Variants in ANAPC7 observed in about 807,000 individuals in gnomAD.
ANAPC7 encodes anaphase promoting complex subunit 7, also known as anaphase-promoting complex subunit 7.
ANAPC7 carries 25 observed loss-of-function variants against 63.3 expected under a neutral mutation model. That is an observed-to-expected ratio of 0.39 (90% CI 0.29 to 0.55). ANAPC7 has a LOEUF of 0.55. Ranked by LOEUF, ANAPC7 falls within the 20% of genes least tolerant of loss-of-function variation. The pLI is 0.57. For synonymous variants in ANAPC7, 241 were observed against 251.7 expected (o/e 0.96, Z 0.40); for missense variants, 516 against 691.7 (o/e 0.75, Z 2.85).
At chr12:110,381,044 G>A (rs1455568440) in intron 8 of ANAPC7, among the ~76,000 whole-genome samples, 10 of 150,238 alleles carry the variant, frequency 6.7e-5, no homozygotes, top group African/African-American at 2.2e-4. Context: ...GGATGGGGGC[G>A]AGCGGTGGGA....
intron 1 of ANAPC7, among the ~76,000 whole-genome samples, chr12:110,399,480 G>A (rs2062193402): frequency 6.6e-6 from 1 of 151,556 alleles, no homozygotes; most frequent in African/African-American, 2.4e-5. Flanking sequence ...AAAAAAAATA[G>A]GCATCATACA....
At chr12:110,389,097 A>G (rs949021371) in intron 3 of ANAPC7, among the ~76,000 whole-genome samples, 19 of 148,358 alleles carry the variant, frequency 1.3e-4, no homozygotes, top group African/African-American at 3.9e-4. Context: ...AAAAAAAAAA[A>G]AAAAAGAAAA....
rs1881036798 is a variant in ANAPC7 at position 110,374,075 on chromosome 12, A to G, written c.*69T>C. 5 of 1,476,862 alleles carry G rather than the reference A, an allele frequency of 3.4e-6. No individual in the cohort carries two copies. The Admixed American group carries it at 8.7e-5, about 26-fold the overall frequency. The allele number at this position is 1,476,862 out of a possible 1,614,324, so 91.5% of individuals were successfully genotyped here. A position where few individuals can be genotyped will look rare whatever the true frequency, so the allele number is the denominator to read the frequency against. ...ATTGTCCTTCTGAGAGCAGGCTCCTACGGTTCCTTCAGTCCACGGAAGTGC... is the reference window on the plus strand; with the variant it reads ...ATTGTCCTTCTGAGAGCAGGCTCCTGCGGTTCCTTCAGTCCACGGAAGTGC... On this transcript the variant is annotated 3_prime_UTR_variant, in exon 11 of 11. Coordinates refer to ENST00000455511, the MANE Select transcript of ANAPC7 (RefSeq NM_016238.3).
At chr12:110,387,239 C>CAG (rs1566268639) in intron 5 of ANAPC7, 5 of 35,286 alleles carry the variant, frequency 1.4e-4, no homozygotes, top group African/African-American at 2.0e-4. Context: ...GAGAGAGAGA[C>CAG]AGAGAGACAG....
chr12:110,388,457 AACT>A, intron 4 of ANAPC7, 52 bp downstream of exon 4: 1 of 1,358,770 alleles, frequency 7.4e-7, no homozygotes, highest in Non-Finnish European at 1.0e-6. Context: ...CAAGATTGAG[AACT>A]ACTATCTTTG....
At chr12:110,383,078 A>G in intron 6 of ANAPC7, 118 bp from the exon 7 acceptor site, 7 of 666,774 alleles carry the variant, frequency 1.0e-5, no homozygotes, top group South Asian at 2.1e-5. Flanking sequence ...TGCAGGGGCT[A>G]AGCCCTTTCC....
intron 3 of ANAPC7, among the ~76,000 whole-genome samples, chr12:110,389,736 C>G (rs375350273): frequency 2.0e-4 from 31 of 152,140 alleles, no homozygotes; most frequent in Admixed American, 8.5e-4. Context: ...TTGAGACCAT[C>G]CCGGCTAACA....
intron 5 of ANAPC7, chr12:110,387,299 G>GAGAGAGAGAGAGAGAGAGAGAGAGAC (rs1882618800): frequency 7.7e-6 from 1 of 130,240 alleles, no homozygotes; most frequent in Non-Finnish European, 1.7e-5. Flanking sequence ...GAGAGAGAGA[G>GAGAGAGAGAGAGAGAGAGAGAGAGAC]AGAGAGAGAG....
intron 9 of ANAPC7, among the ~76,000 whole-genome samples, chr12:110,376,707 GAAAA>G (rs574188729): frequency 8.2e-6 from 1 of 121,940 alleles, no homozygotes; most frequent in Non-Finnish European, 1.8e-5. Flanking sequence ...AATCAGGACT[GAAAA>G]AAAAAAAAAA....
chr12:110,378,043 C>G (rs1164086016), intron 8 of ANAPC7: 4 of 213,456 alleles, frequency 1.9e-5, no homozygotes, highest in Admixed American at 1.5e-4. Flanking sequence ...CAGCTGCATT[C>G]GGTCACCTGT....
Position 110,395,079 on chromosome 12 carries a change from AAC to A in ANAPC7, c.408+20_408+21del, listed in dbSNP as rs753594888. 12 of 1,609,378 alleles carry A rather than the reference AAC, an allele frequency of 7.5e-6. No individual in the cohort carries two copies. In the Admixed American group the frequency reaches 1.9e-4, roughly 25 times the overall value. ...CAGGGTTAGGAGAGCTGAGGAGAAA[AAC>A]ACATAAACATTCAACTTACTTTGGG... On this transcript the variant is annotated intron_variant, in intron 3 of 10. Coordinates refer to ENST00000455511, the MANE Select transcript of ANAPC7 (RefSeq NM_016238.3).
At chr12:110,391,997 T>C (rs1883128954) in intron 3 of ANAPC7, among the ~76,000 whole-genome samples, 1 of 141,398 alleles carries the variant, frequency 7.1e-6, no homozygotes, top group South Asian at 2.2e-4. Flanking sequence ...GAGGCTGAGG[T>C]AGGGGAATCG....
intron 9 of ANAPC7, among the ~76,000 whole-genome samples, 194 bp downstream of exon 9, chr12:110,377,199 G>A (rs1359189576): frequency 5.3e-5 from 8 of 151,610 alleles, no homozygotes; most frequent in Non-Finnish European, 1.2e-4. Flanking sequence ...TAGGTGGTTG[G>A]AACCAAGCCA....
intron 3 of ANAPC7, among the ~76,000 whole-genome samples, chr12:110,390,958 G>A (rs1288689189): frequency 6.6e-6 from 1 of 152,152 alleles, no homozygotes; most frequent in Admixed American, 6.5e-5. Flanking sequence ...TTGGGAGGCC[G>A]AGGTGGGTGG....
chr12:110,383,174 C>G (rs563819395), intron 6 of ANAPC7: 3 of 467,626 alleles, frequency 6.4e-6, no homozygotes, highest in Middle Eastern at 5.9e-4. Flanking sequence ...CACAGTGGCT[C>G]ACACCTGTAA....
At chr12:110,392,784 C>T (rs1473865975) in intron 3 of ANAPC7, among the ~76,000 whole-genome samples, 1 of 151,982 alleles carries the variant, frequency 6.6e-6, no homozygotes, top group Non-Finnish European at 1.5e-5. Flanking sequence ...GACACCAGAT[C>T]TTTTTTTGTT....
intron 9 of ANAPC7, among the ~76,000 whole-genome samples, chr12:110,376,689 T>G (rs144122821): frequency 6.6e-6 from 1 of 150,594 alleles, no homozygotes; most frequent in African/African-American, 2.4e-5. Flanking sequence ...AATTATGAGT[T>G]TATCATAAAT....
chr12:110,380,309 C>T (rs1881698620), intron 8 of ANAPC7, among the ~76,000 whole-genome samples: 1 of 151,726 alleles, frequency 6.6e-6, no homozygotes, highest in Non-Finnish European at 1.5e-5. Flanking sequence ...TGAGATTGCA[C>T]CACTGCACTC....
chr12:110,377,551 T>A lies in ANAPC7; in HGVS notation c.1199A>T (p.Tyr400Phe). Residue 400 changes from tyrosine (Y) to phenylalanine (F), a missense_variant, in exon 9 of 11, where the codon TAC (tyrosine) becomes TTC (phenylalanine). Physicochemically the swap from Tyr to Phe is conservative, Grantham distance 22 (BLOSUM62 3). Transcript: ENST00000455511. Reference protein sequence around the residue: ...REAMVMANNVYKTLGANAQTL... With the variant: ...REAMVMANNVFKTLGANAQTL... ...CTGTGCATTTGCTCCCAGAGTTTTG[T>A]AAACGTTGTTAGCCATTACCATTGC... is the stretch of plus-strand genomic sequence containing the variant. The A allele has an allele frequency of 6.2e-7, 1 of 1,614,192 alleles. No individual in the cohort carries two copies. Among genetic ancestry groups the A allele is most frequent in the Non-Finnish European group, 8.5e-7 (1 of 1,180,036 alleles).
Sources: allele counts gnomAD v4.1 joint callset (sites outside exome capture counted in the v4.1 genomes callset), GRCh38; gene constraint gnomAD v4.1.1; transcripts MANE v1.5; gene names NCBI Gene and HGNC (gene_info 2026-07-23, HGNC 2026-07-21).